Variants in GEM observed in about 807,000 individuals in gnomAD.
GEM encodes the protein GTP binding protein overexpressed in skeletal muscle, also known as GTP-binding protein GEM.
GEM carries 31 observed loss-of-function variants against 33.0 expected under a neutral mutation model. That is an observed-to-expected ratio of 0.94 (90% CI 0.71 to 1.27). The LOEUF (loss-of-function observed/expected upper bound fraction) is 1.27, where lower values mean the gene tolerates loss of function less well. GEM is among the 50% of genes most tolerant of loss of function. GEM has a pLI of 0.00. For missense variants in GEM, 354 were observed against 390.5 expected (o/e 0.91, Z 0.79); for synonymous variants, 141 against 143.7 (o/e 0.98, Z 0.13).
At chr8:94,256,215 T>C (rs1808891400) in intron 2 of GEM, among the ~76,000 whole-genome samples, 2 of 146,966 alleles carry the variant, frequency 1.4e-5, no homozygotes, top group Admixed American at 1.4e-4. Context: ...CCCTCCCACC[T>C]GCTCCTTGGC....
chr8:94,255,508 T>C (rs1808872065), intron 2 of GEM, among the ~76,000 whole-genome samples: 1 of 151,930 alleles, frequency 6.6e-6, no homozygotes, highest in Non-Finnish European at 1.5e-5. Context: ...ACCAGGACCC[T>C]TCCAGCACAC....
Position 94,252,224 on chromosome 8 carries a change from C to G in GEM, c.409-1G>C, listed in dbSNP as rs767579201. 1 of 1,596,970 alleles carries G rather than the reference C, an allele frequency of 6.3e-7. No individual in the cohort carries two copies. The highest frequency in any genetic ancestry group is 1.1e-5 in the South Asian group (1 of 90,774). On this transcript the variant is annotated splice_acceptor_variant, in intron 3 of 4. Transcript: ENST00000297596. LOFTEE classifies it high-confidence loss of function. ...GGTCATGGAGCCATTCATTTTCCCC[C>G]TAATGAAACAATAAGATCTTCTGTG...
At chr8:94,251,003 G>A (rs1808758852) in intron 4 of GEM, among the ~76,000 whole-genome samples, 1 of 152,070 alleles carries the variant, frequency 6.6e-6, no homozygotes, top group Non-Finnish European at 1.5e-5. Context: ...GAAACCGAGG[G>A]GAGTCTCCTC....
rs1808741687 is a variant in GEM, at chr8:94,250,490, T to C, written c.711A>G (p.Arg237=). 3 of 1,614,118 alleles carry C rather than the reference T, an allele frequency of 1.9e-6. No individual in the cohort carries two copies. Among genetic ancestry groups the C allele is most frequent in the Admixed American group, 1.7e-5 (1 of 60,010 alleles). The change falls in exon 5 of 5, where the codon CGA becomes CGG. Residue 237 remains arginine (R), a synonymous_variant. Transcript: ENST00000297596. The part of the protein sequence containing the change: ...NVKELFEGIV[R]QVRLRRDSKE... ...TGCTGTCCCGCCGAAGGCGCACCTGTCGCACAATGCCCTCAAACAGCTCCT... is the reference window on the plus strand; with the variant it reads ...TGCTGTCCCGCCGAAGGCGCACCTGCCGCACAATGCCCTCAAACAGCTCCT...
Position 94,252,179 on chromosome 8 carries a change from G to A in GEM, c.453C>T (p.Asp151=), listed in dbSNP as rs374944377. The change falls in exon 4 of 5, where the codon GAC becomes GAT. Residue 151 remains aspartate, a synonymous_variant. Coordinates refer to ENST00000297596, the MANE Select transcript of GEM (RefSeq NM_005261.4). ...TGATTGAGTAGACAATCAGGTATGC[G>A]TCCCCGACCTGCATGCAGTGGTCAT... is the stretch of plus-strand genomic sequence containing the variant. ...WLHDHCMQVG[D]AYLIVYSITD... 25 of 1,613,136 alleles carry A rather than the reference G, an allele frequency of 1.5e-5. No individual in the cohort carries two copies. The highest frequency in any genetic ancestry group is 4.0e-5 in the African/African-American group (3 of 74,872).
intron 2 of GEM, among the ~76,000 whole-genome samples, chr8:94,256,172 C>T (rs554786460): frequency 5.9e-5 from 9 of 151,714 alleles, no homozygotes; most frequent in East Asian, 1.9e-4. Flanking sequence ...CTAACCTTGA[C>T]GTCTCCTCTT....
chr8:94,250,199 C>T lies in GEM; in HGVS notation c.*111G>A. On this transcript the variant is annotated 3_prime_UTR_variant, in exon 5 of 5. Coordinates refer to ENST00000297596, the MANE Select transcript of GEM (RefSeq NM_005261.4). ...ACAAGGCTAATACGCTAGCTCCCTG[C>T]TACAATGGGGGAAACCACATCTAAC... is the stretch of plus-strand genomic sequence containing the variant. 2.3e-6 allele frequency: 2 copies of T among 878,548 alleles called. No individual in the cohort carries two copies. Among genetic ancestry groups the T allele is most frequent in the Non-Finnish European group, 3.5e-6 (2 of 565,762 alleles). 54.4% of individuals were successfully genotyped at this position (878,548 alleles called of 1,614,324 possible).
intron 2 of GEM, among the ~76,000 whole-genome samples, chr8:94,255,444 C>G (rs964355573): frequency 6.6e-6 from 1 of 152,160 alleles, no homozygotes; most frequent in African/African-American, 2.4e-5. Context: ...GTGTGCTCCC[C>G]ACTTTACCCC....
chr8:94,256,744 A>G (rs537252327), intron 2 of GEM, among the ~76,000 whole-genome samples: 10 of 152,352 alleles, frequency 6.6e-5, no homozygotes, highest in Admixed American at 2.0e-4. Flanking sequence ...AGGGGCCACA[A>G]GCAAGGAAAC....
At position 94,249,289 on chromosome 8, in the gene GEM, T is replaced by C. The variant is rs769967456; in HGVS notation, c.*1021A>G. On this transcript the variant is annotated 3_prime_UTR_variant, in exon 5 of 5. Coordinates refer to ENST00000297596, the MANE Select transcript of GEM (RefSeq NM_005261.4). ...ATTTTATTTCTTTTATTATAAGACA[T>C]ATAGGTAAAAACTTGCATATTTTGA... is the stretch of plus-strand genomic sequence containing the variant. The C allele has an allele frequency of 1.3e-5, 2 of 152,200 alleles. No homozygotes were observed. Among genetic ancestry groups the C allele is most frequent in the Admixed American group, 1.3e-4 (2 of 15,284 alleles). The allele number at this position is 152,200 out of a possible 1,614,324, so 9.4% of individuals were successfully genotyped here.
At chr8:94,250,980 T>C (rs1405514421) in intron 4 of GEM, among the ~76,000 whole-genome samples, 1 of 152,180 alleles carries the variant, frequency 6.6e-6, no homozygotes, top group Non-Finnish European at 1.5e-5. Context: ...ATTATCCCTG[T>C]CAAATACATG....
intron 2 of GEM, 168 bp downstream of exon 2, chr8:94,260,005 G>C (rs1043983967): frequency 1.8e-6 from 1 of 544,830 alleles, no homozygotes; most frequent in African/African-American, 1.9e-5. Context: ...TCATTTTCTT[G>C]CCCGAAAGCC....
chr8:94,257,445 G>A (rs553455804), intron 2 of GEM, among the ~76,000 whole-genome samples: 1 of 152,156 alleles, frequency 6.6e-6, no homozygotes, highest in East Asian at 1.9e-4. Context: ...GCCTCCCAAA[G>A]TGTTGGGATT....
At chr8:94,250,628 A>G (rs1808748974) in intron 4 of GEM, 41 bp from the exon 5 acceptor site, 6 of 1,525,070 alleles carry the variant, frequency 3.9e-6, no homozygotes, top group Non-Finnish European at 5.4e-6. Flanking sequence ...TGCAGAGCAC[A>G]GTCCCACATA....
intron 1 of GEM, chr8:94,260,799 T>C (rs1004996490): frequency 1.0e-5 from 3 of 291,672 alleles, no homozygotes; most frequent in Non-Finnish European, 1.9e-5. Context: ...GCTTCCCCCT[T>C]CCTCAAAGCA....
At chr8:94,255,259 A>T (rs1381650174) in intron 2 of GEM, among the ~76,000 whole-genome samples, 1 of 152,230 alleles carries the variant, frequency 6.6e-6, no homozygotes, top group Non-Finnish European at 1.5e-5. Flanking sequence ...AAGAGATATC[A>T]GAACAAGTCT....
At chr8:94,252,321 C>G in intron 3 of GEM, 98 bp from the exon 4 acceptor site, 1 of 816,438 alleles carries the variant, frequency 1.2e-6, no homozygotes, top group South Asian at 1.5e-5. Flanking sequence ...AGTACACTTG[C>G]TGATAGGAAA....
chr8:94,260,115 C>T, intron 2 of GEM, 58 bp downstream of exon 2: 6 of 1,165,518 alleles, frequency 5.1e-6, no homozygotes, highest in South Asian at 2.8e-5. Context: ...CCCACCCTCA[C>T]TCTTTCTTCC....
chr8:94,260,912 T>C (rs986733149), intron 1 of GEM: 8 of 166,294 alleles, frequency 4.8e-5, no homozygotes, highest in Non-Finnish European at 1.0e-4. Flanking sequence ...TTAATGTTGC[T>C]GGGGACCAGC....
Sources: gnomAD v4.1 joint callset for allele counts (sites outside exome capture counted in the v4.1 genomes callset) on GRCh38, gnomAD v4.1.1 for gene constraint, MANE v1.5 for transcripts, NCBI Gene and HGNC (gene_info 2026-07-23, HGNC 2026-07-21) for gene names.